The following EBF1 variants were observed in gnomAD, a reference collection of about 807,000 sequenced individuals.
The protein encoded by EBF1 is transcription factor COE1.
A neutral mutation model predicts 68.4 loss-of-function variants in EBF1; 10 were observed. That is an observed-to-expected ratio of 0.15 (90% CI 0.09 to 0.25). EBF1 has a LOEUF of 0.25. Among genes scored for constraint, EBF1 ranks in the 10% least tolerant of loss-of-function variants. EBF1 has a pLI of 1.00. For missense variants in EBF1, 509 were observed against 794.4 expected, an observed-to-expected ratio of 0.64 and a Z score of 4.32; for synonymous variants, 298 against 299.8, an observed-to-expected ratio of 0.99 and a Z score of 0.06.
chr5:159,067,463 T>C (rs1383150289), intron 6 of EBF1, among the ~76,000 whole-genome samples: 1 of 152,226 alleles, frequency 6.6e-6, no homozygotes, highest in Non-Finnish European at 1.5e-5. Context: ...CTGTTGTTCA[T>C]TATACAGTGT....
At chr5:158,732,797 A>G (rs1764387737) in intron 10 of EBF1, among the ~76,000 whole-genome samples, 1 of 152,152 alleles carries the variant, frequency 6.6e-6, no homozygotes, top group South Asian at 2.1e-4. Context: ...TGCAATGCTT[A>G]TTGAAGTCAT....
intron 6 of EBF1, among the ~76,000 whole-genome samples, chr5:158,938,666 A>G (rs1583314717): frequency 6.6e-6 from 1 of 152,204 alleles, no homozygotes; most frequent in African/African-American, 2.4e-5. Flanking sequence ...CACATGGCAC[A>G]AAGAACGAGA....
intron 11 of EBF1, among the ~76,000 whole-genome samples, chr5:158,715,447 T>C (rs1159678739): frequency 6.6e-6 from 1 of 152,178 alleles, no homozygotes; most frequent in African/African-American, 2.4e-5. Context: ...AAATTCTCTA[T>C]AATATAAGAT....
intron 7 of EBF1, among the ~76,000 whole-genome samples, chr5:158,838,654 C>T (rs1789431416): frequency 6.6e-6 from 1 of 152,122 alleles, no homozygotes; most frequent in African/African-American, 2.4e-5. Context: ...GAGATATTGA[C>T]ATCTCCAATC....
chr5:158,994,127 C>A (rs1377689398), intron 6 of EBF1, among the ~76,000 whole-genome samples: 1 of 152,188 alleles, frequency 6.6e-6, no homozygotes, highest in Non-Finnish European at 1.5e-5. Flanking sequence ...CCCCTTCCTG[C>A]AGGTGGGTGC....
At chr5:158,810,070 G>A (rs565537320) in intron 8 of EBF1, among the ~76,000 whole-genome samples, 14 of 152,188 alleles carry the variant, frequency 9.2e-5, no homozygotes, top group Non-Finnish European at 2.1e-4. Flanking sequence ...AGAGGAATAT[G>A]AGGTTTGACT....
chr5:159,078,560 C>T (rs1779209093), intron 5 of EBF1, among the ~76,000 whole-genome samples: 1 of 152,204 alleles, frequency 6.6e-6, no homozygotes, highest in Admixed American at 6.5e-5. Flanking sequence ...CAGGCACAGA[C>T]TTGGGATTTG....
intron 6 of EBF1, among the ~76,000 whole-genome samples, chr5:159,022,795 A>G (rs1012989363): frequency 3.9e-5 from 6 of 152,168 alleles, no homozygotes; most frequent in Non-Finnish European, 7.3e-5. Flanking sequence ...AGACATATTC[A>G]AAGAGAGACA....
intron 9 of EBF1, among the ~76,000 whole-genome samples, chr5:158,780,735 A>G (rs71593311): frequency 6.6e-6 from 1 of 152,176 alleles, no homozygotes; most frequent in Non-Finnish European, 1.5e-5. Context: ...TTTAATAAAA[A>G]TCATAATTAT....
At chr5:158,868,559 A>C (rs2128052673) in intron 6 of EBF1, among the ~76,000 whole-genome samples, 1 of 152,312 alleles carries the variant, frequency 6.6e-6, no homozygotes, top group East Asian at 1.9e-4. Flanking sequence ...TTCACAGTGA[A>C]GAAAGGGCAG....
intron 6 of EBF1, among the ~76,000 whole-genome samples, chr5:159,061,326 A>G (rs1183762705): frequency 6.6e-6 from 1 of 151,982 alleles, no homozygotes; most frequent in Non-Finnish European, 1.5e-5. Flanking sequence ...CTGTATCCCC[A>G]AGTGCTAAAG....
chr5:158,807,282 G>T (rs1781761218), intron 8 of EBF1, among the ~76,000 whole-genome samples: 1 of 152,130 alleles, frequency 6.6e-6, no homozygotes, highest in African/African-American at 2.4e-5. Flanking sequence ...TAGGCAGGAA[G>T]GTAAGTCAAT....
intron 6 of EBF1, among the ~76,000 whole-genome samples, chr5:158,998,844 C>T (rs545294040): frequency 6.6e-6 from 1 of 152,078 alleles, no homozygotes; most frequent in Non-Finnish European, 1.5e-5. Context: ...TTGGGAAGTG[C>T]TATTGACTTG....
intron 6 of EBF1, among the ~76,000 whole-genome samples, chr5:159,044,092 T>C (rs965207870): frequency 6.6e-6 from 1 of 152,216 alleles, no homozygotes; most frequent in Admixed American, 6.5e-5. Flanking sequence ...TGAATAAAAC[T>C]GTATTGATCA....
intron 6 of EBF1, among the ~76,000 whole-genome samples, chr5:158,916,963 C>T (rs1448414994): frequency 3.3e-5 from 5 of 152,140 alleles, no homozygotes; most frequent in South Asian, 2.1e-4. Flanking sequence ...CCTCCCACAA[C>T]GTGTCTCTTG....
intron 9 of EBF1, among the ~76,000 whole-genome samples, chr5:158,785,281 A>T (rs1469347267): frequency 6.6e-6 from 1 of 152,216 alleles, no homozygotes; most frequent in Non-Finnish European, 1.5e-5. Context: ...TGAAACATGC[A>T]TCTTTTTGGA....
intron 8 of EBF1, 34 bp downstream of exon 8, chr5:158,823,142 T>A: frequency 6.2e-7 from 1 of 1,613,576 alleles, no homozygotes; most frequent in Non-Finnish European, 8.5e-7. Context: ...ACAGTTAAAG[T>A]AGCAATGCCA....
At chr5:158,843,120 C>A (rs1366510052) in intron 6 of EBF1, among the ~76,000 whole-genome samples, 1 of 152,100 alleles carries the variant, frequency 6.6e-6, no homozygotes, top group Non-Finnish European at 1.5e-5. Context: ...TGGAGGTAGA[C>A]GTCATTGCCA....
intron 6 of EBF1, among the ~76,000 whole-genome samples, chr5:158,872,756 C>A (rs1797102498): frequency 6.6e-6 from 1 of 152,064 alleles, no homozygotes; most frequent in African/African-American, 2.4e-5. Context: ...CTTCACTTTT[C>A]TTTTCTGTGT....
Sources: allele counts gnomAD v4.1 joint callset (sites outside exome capture counted in the v4.1 genomes callset), GRCh38; gene constraint gnomAD v4.1.1; transcripts MANE v1.5; gene names NCBI Gene and HGNC (gene_info 2026-07-23, HGNC 2026-07-21).